SP3: variants seen among roughly 807,000 people sequenced by gnomAD.
SP3 encodes the protein transcription factor Sp3.
In SP3, 10 loss-of-function variants were observed where a neutral mutation model predicts 70.3. The observed-to-expected ratio is 0.14, with a 90% confidence interval of 0.09 to 0.24. The LOEUF is 0.24. Among genes scored for constraint, SP3 ranks in the 10% least tolerant of loss-of-function variants. The pLI is 1.00. For synonymous variants in SP3, 402 were observed against 333.5 expected (o/e 1.21, Z -2.24); for missense variants, 825 against 914.6 (o/e 0.90, Z 1.26).
At chr2:173,965,044 C>G in intron 1 of SP3, 121 bp downstream of exon 1, 2 of 1,351,614 alleles carry the variant, frequency 1.5e-6, no homozygotes, top group South Asian at 1.3e-5. Flanking sequence ...CTTTCTGCCT[C>G]TCACAGACAC....
chr2:173,914,365 C>T (rs1689573004), intron 5 of SP3: 1 of 151,994 alleles, frequency 6.6e-6, no homozygotes, highest in African/African-American at 2.4e-5. Flanking sequence ...CTTTCTATAG[C>T]CTGTAAATCC....
At position 173,909,166 on chromosome 2, in the gene SP3, TCA is replaced by T. The variant is rs1393708394; in HGVS notation, c.*773_*774del. On this transcript the variant is annotated 3_prime_UTR_variant, in exon 7 of 7. Coordinates refer to ENST00000310015, the MANE Select transcript of SP3 (RefSeq NM_003111.5). ...TCCAATAGTCAAGAAAAGGGATAAT[TCA>T]CTATAACATTCTCTTACCACCCAAA... 9.8e-5 allele frequency: 15 copies of T among 152,570 alleles called. No individual in the cohort carries two copies. Among genetic ancestry groups the T allele is most frequent in the Non-Finnish European group, 1.9e-4 (13 of 67,960 alleles). The allele number at this position is 152,570 out of a possible 1,614,324, so 9.5% of individuals were successfully genotyped here. A position where few individuals can be genotyped will look rare whatever the true frequency, so the allele number is the denominator to read the frequency against.
chr2:173,911,239 T>C (rs760544442), intron 6 of SP3, among the ~76,000 whole-genome samples: 6 of 152,050 alleles, frequency 3.9e-5, no homozygotes, highest in South Asian at 2.1e-4. Flanking sequence ...GATATGGAAA[T>C]GCAAGGGTAA....
Position 173,924,092 on chromosome 2 carries a change from T to C in SP3, c.1640-5307A>G, listed in dbSNP as rs527464031. Among the ~76,000 whole-genome samples the C allele has an allele frequency of 1.9e-3, 287 of 152,208 alleles. 1 individual carries two copies. The highest frequency in any genetic ancestry group is 2.6e-3 in the Non-Finnish European group (174 of 67,962). On this transcript the variant is annotated intron_variant, in intron 4 of 6. Transcript: ENST00000310015. Reference sequence around the variant, plus strand: ...ATCCCCTTACCAAATATAATAATAATTTTAAAAATATAGATGGATGGTTAA... The same window carrying C: ...ATCCCCTTACCAAATATAATAATAACTTTAAAAATATAGATGGATGGTTAA...
At chr2:173,911,180 T>C (rs759345064) in intron 6 of SP3, among the ~76,000 whole-genome samples, 4 of 152,142 alleles carry the variant, frequency 2.6e-5, no homozygotes, top group Admixed American at 6.6e-5. Context: ...ACTATCTTCC[T>C]TAAAGACCAA....
At chr2:173,947,862 G>A (rs1363817586) in intron 4 of SP3, among the ~76,000 whole-genome samples, 3 of 152,102 alleles carry the variant, frequency 2.0e-5, no homozygotes, top group South Asian at 2.1e-4. Flanking sequence ...TATAACTCTT[G>A]TAAGCAGTAA....
chr2:173,904,620 C>T lies in SP3; in HGVS notation c.*5321G>A, dbSNP rs1689266433. ...CCATGTATGTTCCAGATGTGACCTC[C>T]CAAGACATCAGTTTTCCAATTCCAA... On this transcript the variant is annotated 3_prime_UTR_variant, in exon 7 of 7. Transcript: ENST00000310015. Among the ~76,000 whole-genome samples the T allele has an allele frequency of 6.6e-6, 1 of 152,168 alleles. No homozygotes were observed. The highest frequency in any genetic ancestry group is 1.9e-4 in the East Asian group (1 of 5,198).
chr2:173,913,550 G>A (rs1689545979), intron 5 of SP3: 1 of 206,194 alleles, frequency 4.8e-6, no homozygotes, highest in South Asian at 1.6e-4. Context: ...TGTAAAGAAT[G>A]TACAATAAAG....
intron 4 of SP3, among the ~76,000 whole-genome samples, chr2:173,928,951 C>T (rs1312075087): frequency 6.6e-6 from 1 of 152,198 alleles, no homozygotes; most frequent in Non-Finnish European, 1.5e-5. Context: ...AGCTGTGCTA[C>T]AGTAACATCA....
At chr2:173,964,756 TCCTCCTCCTCCTCTTTC>T (rs1206317242) in intron 1 of SP3, 11 of 325,768 alleles carry the variant, frequency 3.4e-5, no homozygotes, top group Non-Finnish European at 5.4e-5. Flanking sequence ...CCTGTAACCC[TCCTCCTCCTCCTCTTTC>T]CCTCCTCCTC....
At chr2:173,963,351 G>A (rs1381366259) in intron 3 of SP3, 2 of 152,118 alleles carry the variant, frequency 1.3e-5, no homozygotes, top group African/African-American at 4.8e-5. Flanking sequence ...ACGTCCAACA[G>A]AAAATGCTCC....
intron 4 of SP3, among the ~76,000 whole-genome samples, chr2:173,927,102 C>G (rs1447021530): frequency 2.0e-5 from 3 of 151,936 alleles, no homozygotes; most frequent in African/African-American, 4.8e-5. Flanking sequence ...ACACACTTAA[C>G]TAGATCTCAC....
At chr2:173,957,526 T>C (rs1319954391) in intron 3 of SP3, among the ~76,000 whole-genome samples, 1 of 152,096 alleles carries the variant, frequency 6.6e-6, no homozygotes, top group East Asian at 1.9e-4. Context: ...AATAATAATA[T>C]GCAGTTTGGA....
intron 1 of SP3, 131 bp from the exon 2 acceptor site, chr2:173,964,684 C>CCGGCGGCGGCGGCGGCGG (rs1174348131): frequency 1.6e-5 from 6 of 378,502 alleles, no homozygotes; most frequent in South Asian, 4.2e-5. Flanking sequence ...CACCCGCCCC[C>CCGGCGGCGGCGGCGGCGG]CGGCGGCGGC....
intron 3 of SP3, among the ~76,000 whole-genome samples, chr2:173,960,370 A>C (rs1191974078): frequency 6.6e-6 from 1 of 152,222 alleles, no homozygotes; most frequent in Non-Finnish European, 1.5e-5. Flanking sequence ...CAGAAATAGG[A>C]AAGGAAGGAG....
intron 4 of SP3, among the ~76,000 whole-genome samples, chr2:173,932,353 G>A (rs749710459): frequency 6.6e-5 from 10 of 152,058 alleles, no homozygotes; most frequent in South Asian, 6.2e-4. Flanking sequence ...CATCACGCCC[G>A]GCTAATTTTT....
At position 173,921,907 on chromosome 2, in the gene SP3, T is replaced by C. The variant is rs368660087; in HGVS notation, c.1640-3122A>G. ...GTGTGTGGCACCTTCCCTCCTACTC[T>C]TTCTCTGTCTCTCACCTCCCTCTAC... On this transcript the variant is annotated intron_variant, in intron 4 of 6. Transcript: ENST00000310015. Among the ~76,000 whole-genome samples the C allele has an allele frequency of 2.0e-5, 3 of 152,166 alleles. No homozygotes were observed. In the South Asian group the frequency reaches 6.2e-4, roughly 32 times the overall value.
chr2:173,913,842 C>G (rs2105455360), intron 5 of SP3: 1 of 152,146 alleles, frequency 6.6e-6, no homozygotes. Flanking sequence ...CTAGTTAAAG[C>G]AATGGTCTGA....
rs1000794023 is a variant in SP3, at chr2:173,901,695, C to G, written c.*8246G>C. On this transcript the variant is annotated 3_prime_UTR_variant, in exon 7 of 7. Coordinates refer to ENST00000310015, the MANE Select transcript of SP3 (RefSeq NM_003111.5). Reference sequence around the variant, plus strand: ...GGGAAACAGTTAGTTGGACTTAAGCCTTTTTTTTTTTTTTTTTTTTTTTTG... The same window carrying G: ...GGGAAACAGTTAGTTGGACTTAAGCGTTTTTTTTTTTTTTTTTTTTTTTTG... 2.4e-4 allele frequency among the ~76,000 whole-genome samples: 18 copies of G among 74,968 alleles called. No individual in the cohort carries two copies. Among genetic ancestry groups the G allele is most frequent in the Middle Eastern group, 7.1e-3 (1 of 140 alleles). The allele number at this position is 74,968 out of a possible 152,430, so 49.2% of individuals were successfully genotyped here. A position where few individuals can be genotyped will look rare whatever the true frequency, so the allele number is the denominator to read the frequency against.
Sources: gnomAD v4.1 joint callset for allele counts (sites outside exome capture counted in the v4.1 genomes callset) on GRCh38, gnomAD v4.1.1 for gene constraint, MANE v1.5 for transcripts, NCBI Gene and HGNC (gene_info 2026-07-23, HGNC 2026-07-21) for gene names.